The following PDE5A variants were observed in gnomAD, a reference collection of about 807,000 sequenced individuals.
The protein encoded by PDE5A is phosphodiesterase 5A.
A neutral mutation model predicts 110.2 loss-of-function variants in PDE5A; 67 were observed. The ratio of observed to expected loss-of-function variants is 0.61; its 90% CI spans 0.50 to 0.75. The LOEUF is 0.75. Ranked by LOEUF, PDE5A falls within the 30% of genes least tolerant of loss-of-function variation. The pLI is 0.00. For synonymous variants in PDE5A, 328 were observed against 351.2 expected, an observed-to-expected ratio of 0.93 and a Z score of 0.74; for missense variants, 862 against 1,045.1, an observed-to-expected ratio of 0.82 and a Z score of 2.42.
intron 1 of PDE5A, among the ~76,000 whole-genome samples, chr4:119,626,463 ACT>A (rs1367005390): frequency 6.6e-6 from 1 of 152,186 alleles, no homozygotes; most frequent in Non-Finnish European, 1.5e-5. Context: ...TTAAACAATA[ACT>A]TTTTTTCTTT....
intron 18 of PDE5A, among the ~76,000 whole-genome samples, chr4:119,503,952 T>C (rs532231471): frequency 6.6e-6 from 1 of 151,902 alleles, no homozygotes; most frequent in Non-Finnish European, 1.5e-5. Flanking sequence ...CTTAAAAAAA[T>C]TTTTTTTATT....
In PDE5A at chr4:119,628,621, G is replaced by C; in HGVS notation, c.51C>G (p.Pro17=). The C allele has an allele frequency of 1.2e-6, 2 of 1,613,848 alleles. No homozygotes were observed. The highest frequency in any genetic ancestry group is 1.7e-6 in the Non-Finnish European group (2 of 1,179,868). The part of the protein sequence containing the change: ...SFGQQRQQQQ[P]QQQKQQQRDQ... ...CCCTCTGCTGCTGCTTCTGCTGCTG[G>C]GGCTGCTGCTGCTGTCGCTGCTGCC... Residue 17 remains proline, a synonymous_variant, in exon 1 of 21, where the codon CCC becomes CCG. Coordinates refer to ENST00000354960, the MANE Select transcript of PDE5A (RefSeq NM_001083.4).
chr4:119,522,745 A>G (rs1260949323), intron 12 of PDE5A, among the ~76,000 whole-genome samples: 1 of 152,064 alleles, frequency 6.6e-6, no homozygotes, highest in Non-Finnish European at 1.5e-5. Flanking sequence ...GATGTTCTCA[A>G]CAGCATACAA....
At chr4:119,590,099 C>T (rs936251977) in intron 3 of PDE5A, among the ~76,000 whole-genome samples, 2 of 152,166 alleles carry the variant, frequency 1.3e-5, no homozygotes, top group Non-Finnish European at 2.9e-5. Context: ...GTTTGAATCT[C>T]AGCTTTGCCA....
intron 10 of PDE5A, among the ~76,000 whole-genome samples, chr4:119,541,196 T>C (rs1302439018): frequency 6.6e-6 from 1 of 152,002 alleles, no homozygotes; most frequent in African/African-American, 2.4e-5. Context: ...TGCTTGAAAC[T>C]TTCCATAATA....
intron 3 of PDE5A, among the ~76,000 whole-genome samples, chr4:119,571,732 T>C (rs1485908042): frequency 1.3e-5 from 2 of 152,216 alleles, no homozygotes; most frequent in Non-Finnish European, 2.9e-5. Flanking sequence ...GTGATTCTTA[T>C]ATTCTTGCAT....
intron 10 of PDE5A, 119 bp from the exon 11 acceptor site, chr4:119,539,138 G>T: frequency 1.3e-6 from 1 of 756,978 alleles, no homozygotes; most frequent in Non-Finnish European, 2.3e-6. Flanking sequence ...TCCTCAGAAT[G>T]CCAAATCTTG....
At chr4:119,561,959 C>T (rs564933672) in intron 6 of PDE5A, among the ~76,000 whole-genome samples, 1 of 152,250 alleles carries the variant, frequency 6.6e-6, no homozygotes, top group South Asian at 2.1e-4. Flanking sequence ...AACATAACTT[C>T]GGATATCATA....
chr4:119,533,525 C>T (rs1367016337), intron 11 of PDE5A, among the ~76,000 whole-genome samples: 1 of 152,134 alleles, frequency 6.6e-6, no homozygotes, highest in African/African-American at 2.4e-5. Context: ...AAGAAAACTA[C>T]TTTTAAAACG....
intron 2 of PDE5A, among the ~76,000 whole-genome samples, chr4:119,605,995 G>A (rs9994195): frequency 7.2e-5 from 11 of 152,180 alleles, no homozygotes; most frequent in African/African-American, 2.7e-4. Context: ...CAGTTAAGAT[G>A]CTTGGTTTTA....
intron 4 of PDE5A, among the ~76,000 whole-genome samples, chr4:119,566,368 T>C (rs1284401229): frequency 3.9e-5 from 6 of 152,140 alleles, no homozygotes; most frequent in African/African-American, 1.4e-4. Context: ...CAATGGGCTT[T>C]GAATAGGAAT....
At chr4:119,555,805 T>C (rs918210423) in intron 7 of PDE5A, among the ~76,000 whole-genome samples, 1 of 152,320 alleles carries the variant, frequency 6.6e-6, no homozygotes. Context: ...AAATACCTGA[T>C]ACCTTATTTA....
intron 17 of PDE5A, 126 bp from the exon 18 acceptor site, chr4:119,504,725 C>A: frequency 1.7e-6 from 1 of 577,558 alleles, no homozygotes; most frequent in Non-Finnish European, 3.0e-6. Flanking sequence ...TTTATAAAGA[C>A]CAAAGAAAAA....
chr4:119,532,991 T>C (rs1726600704), intron 11 of PDE5A, among the ~76,000 whole-genome samples: 1 of 152,174 alleles, frequency 6.6e-6, no homozygotes, highest in South Asian at 2.1e-4. Context: ...AAAGGCTCTT[T>C]ATTCAGAAAG....
chr4:119,504,747 T>G, intron 17 of PDE5A, 148 bp from the exon 18 acceptor site: 1 of 530,576 alleles, frequency 1.9e-6, no homozygotes, highest in South Asian at 3.0e-5. Flanking sequence ...AAACAATTTA[T>G]ATGAAAGTCT....
intron 14 of PDE5A, among the ~76,000 whole-genome samples, chr4:119,513,421 G>A (rs1383533): frequency 0.26 from 39,909 of 151,962 alleles, 5,377 homozygotes; most frequent in East Asian, 0.38. Context: ...CATCTGGATA[G>A]CTCATCCCTC....
chr4:119,596,645 T>C, intron 2 of PDE5A, 33 bp from the exon 3 acceptor site: 1 of 1,193,466 alleles, frequency 8.4e-7, no homozygotes, highest in African/African-American at 1.5e-5. Flanking sequence ...ATTTAATGAC[T>C]GACCTGTTCA....
chr4:119,580,771 C>T (rs1728561073), intron 3 of PDE5A, among the ~76,000 whole-genome samples: 2 of 152,380 alleles, frequency 1.3e-5, no homozygotes, highest in African/African-American at 2.4e-5. Flanking sequence ...CTTTCCCACT[C>T]TGCCTCTCTG....
chr4:119,518,734 A>C (rs1726003659), intron 14 of PDE5A, among the ~76,000 whole-genome samples: 1 of 152,170 alleles, frequency 6.6e-6, no homozygotes, highest in Non-Finnish European at 1.5e-5. Context: ...GTAGGGTAAA[A>C]TGTTACCTTT....
Sources: gnomAD v4.1 joint callset for allele counts (sites outside exome capture counted in the v4.1 genomes callset) on GRCh38, gnomAD v4.1.1 for gene constraint, MANE v1.5 for transcripts, NCBI Gene and HGNC (gene_info 2026-07-23, HGNC 2026-07-21) for gene names.